MBTPS1: variants seen among roughly 807,000 people sequenced by gnomAD.
MBTPS1 encodes membrane-bound transcription factor site-1 protease.
MBTPS1 carries 94 observed loss-of-function variants against 127.8 expected under a neutral mutation model. The ratio of observed to expected loss-of-function variants is 0.74; its 90% CI spans 0.62 to 0.87. The LOEUF (loss-of-function observed/expected upper bound fraction) is 0.87, where lower values mean the gene tolerates loss of function less well. MBTPS1 is among the 40% of genes least tolerant of loss of function. The pLI, the probability that MBTPS1 is intolerant of heterozygous loss-of-function variation, is 0.00. For missense variants in MBTPS1, 1,636 were observed against 1,353.2 expected, an observed-to-expected ratio of 1.21 and a Z score of -3.28; for synonymous variants, 632 against 509.4, an observed-to-expected ratio of 1.24 and a Z score of -3.24.
chr16:84,110,898 A>C (rs1278680494), intron 1 of MBTPS1: 1 of 152,262 alleles, frequency 6.6e-6, no homozygotes, highest in Admixed American at 6.5e-5. Context: ...ACACTGCAAG[A>C]TTATGAGCAG....
intron 1 of MBTPS1, among the ~76,000 whole-genome samples, chr16:84,103,373 C>T (rs936042668): frequency 6.6e-6 from 1 of 151,870 alleles, no homozygotes; most frequent in Non-Finnish European, 1.5e-5. Context: ...ATCCTCCAGC[C>T]TCAGCCTCCC....
At chr16:84,098,359 C>G (rs780392614) in intron 3 of MBTPS1, among the ~76,000 whole-genome samples, 23 of 152,176 alleles carry the variant, frequency 1.5e-4, no homozygotes, top group African/African-American at 5.5e-4. Context: ...GCCTGTAATC[C>G]CAGCACTTTG....
chr16:84,074,720 A>C lies in MBTPS1; in HGVS notation c.1470T>G (p.Asp490Glu), dbSNP rs1277048031. ...GCCACATGTAGGGACACTCAGTCAG[A>C]TCTATGTAGCTGGGGCTCAAACTGA... ...PQASLSPSYIDLTECPYMWPY... is the reference protein window; with the variant it reads ...PQASLSPSYIELTECPYMWPY... The change falls in exon 12 of 23, where the codon GAT (aspartate) becomes GAG (glutamate). Residue 490 changes from aspartate to glutamate, a missense_variant. By Grantham distance (45) the Asp-to-Glu change is conservative. Transcript: ENST00000343411. 4.3e-6 allele frequency: 7 copies of C among 1,613,858 alleles called. No homozygotes were observed.
At chr16:84,100,656 G>C (rs1199366452) in intron 2 of MBTPS1, among the ~76,000 whole-genome samples, 1 of 152,116 alleles carries the variant, frequency 6.6e-6, no homozygotes, top group African/African-American at 2.4e-5. Flanking sequence ...GTGCCTGGGA[G>C]GCCAAGGCTG....
chr16:84,116,463 G>A (rs2086480435), intron 1 of MBTPS1, among the ~76,000 whole-genome samples: 1 of 152,220 alleles, frequency 6.6e-6, no homozygotes, highest in Non-Finnish European at 1.5e-5. Flanking sequence ...CCAGAGCAGG[G>A]CGTATTGTTT....
At chr16:84,080,774 G>A (rs931351151) in intron 11 of MBTPS1, among the ~76,000 whole-genome samples, 12 of 152,340 alleles carry the variant, frequency 7.9e-5, no homozygotes, top group African/African-American at 2.9e-4. Context: ...ACTTTTCGGT[G>A]TCAGATCAGC....
chr16:84,077,234 GAAA>G (rs1191331764), intron 11 of MBTPS1, among the ~76,000 whole-genome samples: 1 of 100,276 alleles, frequency 1.0e-5, no homozygotes, highest in African/African-American at 3.9e-5. Flanking sequence ...CATTAAAAAA[GAAA>G]AAAAAAAAAA....
Position 84,108,933 on chromosome 16 carries a change from T to C in MBTPS1, c.-324-6826A>G, listed in dbSNP as rs553094992. Among the ~76,000 whole-genome samples, 7 of 152,304 alleles carry C rather than the reference T, an allele frequency of 4.6e-5. No homozygotes were observed. The South Asian group carries it at 6.2e-4, about 14-fold the overall frequency. ...TTCAGTATCAGAACAAAATGATAAA[T>C]GCTGGTCTGAATTTAAGGTTTTCAA... On this transcript the variant is annotated intron_variant, in intron 1 of 22. Coordinates refer to ENST00000343411, the MANE Select transcript of MBTPS1 (RefSeq NM_003791.4).
chr16:84,114,989 C>T (rs1010625855), intron 1 of MBTPS1, among the ~76,000 whole-genome samples: 2 of 151,800 alleles, frequency 1.3e-5, no homozygotes, highest in Non-Finnish European at 2.9e-5. Context: ...AATGCAGCGG[C>T]GTGATCTTGG....
At chr16:84,073,261 G>C (rs892099154) in intron 12 of MBTPS1, among the ~76,000 whole-genome samples, 11 of 152,154 alleles carry the variant, frequency 7.2e-5, no homozygotes, top group African/African-American at 1.7e-4. Context: ...AGCCTCCCGA[G>C]TAGCTGGGAT....
chr16:84,114,149 G>C (rs2086437216), intron 1 of MBTPS1, among the ~76,000 whole-genome samples: 1 of 151,688 alleles, frequency 6.6e-6, no homozygotes, highest in South Asian at 2.1e-4. Context: ...GTATTTTAGA[G>C]ACGGGGTTTC....
At chr16:84,096,108 T>C (rs1322040187) in intron 3 of MBTPS1, among the ~76,000 whole-genome samples, 1 of 152,020 alleles carries the variant, frequency 6.6e-6, no homozygotes, top group Non-Finnish European at 1.5e-5. Context: ...ATAATAAAAA[T>C]AAAGAAAAAC....
intron 14 of MBTPS1, among the ~76,000 whole-genome samples, chr16:84,068,906 T>A (rs2085729785): frequency 6.6e-6 from 1 of 152,146 alleles, no homozygotes; most frequent in Non-Finnish European, 1.5e-5. Context: ...CAACTTTCCA[T>A]CCCCGTCCCT....
chr16:84,054,768 G>A (rs1466846949), intron 22 of MBTPS1, 123 bp from the exon 23 acceptor site: 18 of 691,308 alleles, frequency 2.6e-5, no homozygotes, highest in Non-Finnish European at 4.1e-5. Context: ...TGGGCTTGCA[G>A]GGCATACATC....
intron 13 of MBTPS1, 36 bp from the exon 14 acceptor site, chr16:84,070,074 T>A (rs775977898): frequency 3.3e-6 from 5 of 1,530,772 alleles, no homozygotes; most frequent in African/African-American, 1.4e-5. Flanking sequence ...AACGCCCTCA[T>A]TGTGCAGAAA....
chr16:84,062,262 A>G (rs1470465229), intron 19 of MBTPS1, among the ~76,000 whole-genome samples: 3 of 152,156 alleles, frequency 2.0e-5, no homozygotes, highest in Admixed American at 6.5e-5. Context: ...CTGGGACTAC[A>G]GGCACACGCC....
intron 12 of MBTPS1, among the ~76,000 whole-genome samples, chr16:84,071,372 G>A (rs1290769438): frequency 1.3e-5 from 2 of 152,132 alleles, no homozygotes; most frequent in Non-Finnish European, 2.9e-5. Context: ...TATTTCAGAC[G>A]AATCTAAATT....
At chr16:84,055,902 CAG>C (rs2085514355) in intron 22 of MBTPS1, 101 bp downstream of exon 22, 3 of 1,313,962 alleles carry the variant, frequency 2.3e-6, no homozygotes, top group Non-Finnish European at 3.1e-6. Context: ...CCCAGGAAGG[CAG>C]AGACAGGGAG....
In MBTPS1 at chr16:84,093,721, C is replaced by G. The variant is rs773906828; in HGVS notation, c.726G>C (p.Thr242=). Reference sequence around the variant, plus strand: ...GCTGCTGAGACCCACCATCGTCCAGCGTTCGCTCGTTGGTCCAGTTGGTTC... The same window carrying G: ...GCTGCTGAGACCCACCATCGTCCAGGGTTCGCTCGTTGGTCCAGTTGGTTC... ...KERTNWTNER[T]LDDGLGHGTF... is the part of the protein sequence containing the mutation. Residue 242 remains threonine (T), a synonymous_variant, in exon 5 of 23, where the codon ACG becomes ACC. Coordinates refer to ENST00000343411, the MANE Select transcript of MBTPS1 (RefSeq NM_003791.4). The G allele has an allele frequency of 6.2e-7, 1 of 1,612,010 alleles. No individual in the cohort carries two copies.
Sources: allele counts gnomAD v4.1 joint callset (sites outside exome capture counted in the v4.1 genomes callset), GRCh38; gene constraint gnomAD v4.1.1; transcripts MANE v1.5; gene names NCBI Gene and HGNC (gene_info 2026-07-23, HGNC 2026-07-21).